PRKCZ: variants seen among roughly 807,000 people sequenced by gnomAD.
PRKCZ encodes the protein protein kinase C zeta type.
In PRKCZ, 33 loss-of-function variants were observed where a neutral mutation model predicts 79.5. The observed-to-expected ratio is 0.41, with a 90% CI of 0.31 to 0.55. The LOEUF is 0.55. Among genes scored for constraint, PRKCZ ranks in the 20% least tolerant of loss-of-function variants. The probability of loss-of-function intolerance (pLI) is 0.19; values close to 1 mark genes in which losing one functional copy is unlikely to be tolerated. For synonymous variants in PRKCZ, 342 were observed against 320.9 expected (o/e 1.07, Z -0.70); for missense variants, 578 against 813.5 (o/e 0.71, Z 3.52).
chr1:2,166,919 A>G (rs1435005972), intron 10 of PRKCZ, among the ~76,000 whole-genome samples: 1 of 152,262 alleles, frequency 6.6e-6, no homozygotes, highest in Non-Finnish European at 1.5e-5. Flanking sequence ...TGTGGATTAC[A>G]GGTGCACACC....
rs532656744 is a variant in PRKCZ, at chr1:2,135,164, C to T, written c.335-98C>T. On this transcript the variant is annotated intron_variant, in intron 4 of 17. Transcript: ENST00000378567. ...TCCCTGCCTGGGAGGACGCTGCGGC[C>T]GCCACCACCTGGACGGGAGTGGCCT... 8.4e-4 allele frequency: 887 copies of T among 1,055,328 alleles called. 4 individuals are homozygous for T. In the African/African-American group the frequency reaches 0.013, roughly 15 times the overall value. The allele number at this position is 1,055,328 out of a possible 1,614,324, so 65.4% of individuals were successfully genotyped here.
chr1:2,078,087 C>T (rs1057485370), intron 4 of PRKCZ, among the ~76,000 whole-genome samples: 2 of 152,006 alleles, frequency 1.3e-5, no homozygotes, highest in Non-Finnish European at 2.9e-5. Context: ...ATGCCTGCCT[C>T]ACCTCCCTCC....
In PRKCZ at chr1:2,128,658, C is replaced by T. The variant is rs1234876025; in HGVS notation, c.335-6604C>T. 6.6e-6 allele frequency among the ~76,000 whole-genome samples: 1 copy of T among 152,134 alleles called. No individual in the cohort carries two copies. The highest frequency in any genetic ancestry group is 1.5e-5 in the Non-Finnish European group (1 of 68,018). On this transcript the variant is annotated intron_variant, in intron 4 of 17. Transcript: ENST00000378567. This position sits in a 1 kb window ranked among gnomAD's most constrained non-coding sequence, Gnocchi z 6.5. ...GCTTGCTTCAGCAGAGCCTGGCACC[C>T]AGGGAGGTGGCAGGATGGGTCCCCA...
chr1:2,067,845 T>G (rs550839256), intron 4 of PRKCZ, among the ~76,000 whole-genome samples: 1 of 152,228 alleles, frequency 6.6e-6, no homozygotes, highest in Non-Finnish European at 1.5e-5. Context: ...TCTGTTAATA[T>G]TTTTCCTTCT....
intron 4 of PRKCZ, among the ~76,000 whole-genome samples, chr1:2,070,974 G>A (rs1267457855): frequency 6.6e-6 from 1 of 152,138 alleles, no homozygotes; most frequent in Non-Finnish European, 1.5e-5. Context: ...TCCTTGGCCG[G>A]GACACCATCC....
chr1:2,120,054 T>C (rs56317795), intron 4 of PRKCZ, among the ~76,000 whole-genome samples: 19,417 of 152,176 alleles, frequency 0.13, 1,678 homozygotes, highest in Admixed American at 0.18. Flanking sequence ...CAACAGGTTT[T>C]TGTGTTGGCT....
At chr1:2,151,687 G>A (rs1417299063) in intron 9 of PRKCZ, among the ~76,000 whole-genome samples, 1 of 151,948 alleles carries the variant, frequency 6.6e-6, no homozygotes, top group East Asian at 1.9e-4. Context: ...TTTTGGAAAC[G>A]GTCTTACTCT....
At chr1:2,133,166 C>G (rs1009088271) in intron 4 of PRKCZ, among the ~76,000 whole-genome samples, 3 of 152,204 alleles carry the variant, frequency 2.0e-5, no homozygotes, top group African/African-American at 4.8e-5. Flanking sequence ...CCCAGGCGCA[C>G]TGGGGGTGGG....
At position 2,172,632 on chromosome 1, in the gene PRKCZ, C is replaced by T. The variant is rs1029797271; in HGVS notation, c.1285+244C>T. On this transcript the variant is annotated intron_variant, in intron 13 of 17. Coordinates refer to ENST00000378567, the MANE Select transcript of PRKCZ (RefSeq NM_002744.6). The surrounding 1 kb of genome is among the most constrained non-coding windows in gnomAD (Gnocchi z 7.8). ...CAGGATTCCTCCTGCCAGGGAGCCC[C>T]GGGGCACAGGGAGGGGAAAGACACA... Among the ~76,000 whole-genome samples the T allele has an allele frequency of 2.0e-5, 3 of 152,166 alleles. No individual in the cohort carries two copies. Among genetic ancestry groups the T allele is most frequent in the Admixed American group, 6.5e-5 (1 of 15,282 alleles).
rs190914208 is a variant in PRKCZ, at chr1:2,082,168, G to C, written c.334+22577G>C. The C allele has an allele frequency of 8.6e-6, 3 of 347,278 alleles. No individual in the cohort carries two copies. The Admixed American group carries it at 1.3e-4, about 15-fold the overall frequency. The allele number at this position is 347,278 out of a possible 1,614,324, so 21.5% of individuals were successfully genotyped here. On this transcript the variant is annotated intron_variant, in intron 4 of 17. Coordinates refer to ENST00000378567, the MANE Select transcript of PRKCZ (RefSeq NM_002744.6). This position sits in a 1 kb window ranked among gnomAD's most constrained non-coding sequence, Gnocchi z 4.4. ...GTCAGGGGTGCTGGACGCGTCAGAC[G>C]GGTTCTTTGCAGCCCTTGGCAGCGT... is the stretch of plus-strand genomic sequence containing the variant.
intron 10 of PRKCZ, among the ~76,000 whole-genome samples, chr1:2,159,261 C>T (rs1681740353): frequency 6.6e-6 from 1 of 152,272 alleles, no homozygotes; most frequent in Admixed American, 6.5e-5. Context: ...GGCGGCCACG[C>T]GTCCGGGTGG....
chr1:2,182,475 G>A (rs1393758234), intron 16 of PRKCZ: 2 of 155,010 alleles, frequency 1.3e-5, no homozygotes, highest in Admixed American at 6.5e-5. Context: ...GGGGCACCGG[G>A]GACAGGCACA....
chr1:2,181,236 C>T (rs1413617166), intron 16 of PRKCZ, among the ~76,000 whole-genome samples: 1 of 152,202 alleles, frequency 6.6e-6, no homozygotes, highest in Non-Finnish European at 1.5e-5. Context: ...GCACAAGGCA[C>T]ACACCCACTA....
chr1:2,103,284 G>A (rs1426180097), intron 4 of PRKCZ, among the ~76,000 whole-genome samples: 2 of 152,230 alleles, frequency 1.3e-5, no homozygotes, highest in Non-Finnish European at 2.9e-5. Context: ...AAAGCAAGTC[G>A]TAGCCCCAGT....
Position 2,092,418 on chromosome 1 carries a change from G to A in PRKCZ, c.334+32827G>A, listed in dbSNP as rs570763341. Reference sequence around the variant, plus strand: ...CACCCTGGCTGGGACAAAGTGCGCAGCTCTACCCCTGCTCTGAAATGCCCG... The same window carrying A: ...CACCCTGGCTGGGACAAAGTGCGCAACTCTACCCCTGCTCTGAAATGCCCG... On this transcript the variant is annotated intron_variant, in intron 4 of 17. Transcript: ENST00000378567. Among the ~76,000 whole-genome samples the A allele has an allele frequency of 2.0e-5, 3 of 152,192 alleles. No homozygotes were observed. In the South Asian group the frequency reaches 6.2e-4, roughly 32 times the overall value.
intron 4 of PRKCZ, among the ~76,000 whole-genome samples, chr1:2,064,242 T>TA (rs2102266744): frequency 6.6e-6 from 1 of 152,358 alleles, no homozygotes; most frequent in South Asian, 2.1e-4. Context: ...TGGTGAGTGT[T>TA]ACTAGTTCTC....
At chr1:2,066,022 A>G (rs190461572) in intron 4 of PRKCZ, among the ~76,000 whole-genome samples, 2 of 152,260 alleles carry the variant, frequency 1.3e-5, no homozygotes, top group East Asian at 3.9e-4. Flanking sequence ...CTTGGTGTGT[A>G]ATTTTCTTGA....
rs1674045151 is a variant in PRKCZ, at chr1:2,127,014, T to C, written c.335-8248T>C. The stretch of plus-strand genomic sequence containing the variant: ...GTGAGAGGACGGAAGTCGGCAGAGC[T>C]TGGCTCCCTGTTCGCCCGACTGGCG... On this transcript the variant is annotated intron_variant, in intron 4 of 17. Transcript: ENST00000378567. The surrounding 1 kb of genome is among the most constrained non-coding windows in gnomAD (Gnocchi z 5.1). 1.3e-5 allele frequency among the ~76,000 whole-genome samples: 2 copies of C among 152,252 alleles called. No individual in the cohort carries two copies. Among genetic ancestry groups the C allele is most frequent in the South Asian group, 4.1e-4 (2 of 4,832 alleles).
In PRKCZ at chr1:2,093,876, G is replaced by A. The variant is rs148214238; in HGVS notation, c.334+34285G>A. On this transcript the variant is annotated intron_variant, in intron 4 of 17. Transcript: ENST00000378567. ...GGGACGAGCCGAGGATCCCCGCGTC[G>A]ACGTGGAGGTCCGCGGCCGTCAGCG... 1.4e-3 allele frequency among the ~76,000 whole-genome samples: 210 copies of A among 152,268 alleles called. 2 individuals carry two copies. Among genetic ancestry groups the A allele is most frequent in the African/African-American group, 4.7e-3 (196 of 41,530 alleles).
Sources: allele counts gnomAD v4.1 joint callset (sites outside exome capture counted in the v4.1 genomes callset), GRCh38; gene constraint gnomAD v4.1.1; non-coding constraint Gnocchi (gnomAD v3.1); transcripts MANE v1.5; gene names NCBI Gene and HGNC (gene_info 2026-07-23, HGNC 2026-07-21).